ATP6V0A1: variants seen among roughly 807,000 people sequenced by gnomAD.
ATP6V0A1 encodes ATPase H+ transporting V0 subunit a1, also known as V-type proton ATPase 116 kDa subunit a 1.
In ATP6V0A1, 43 loss-of-function variants were observed where a neutral mutation model predicts 105.4. The observed-to-expected ratio is 0.41, with a 90% confidence interval of 0.32 to 0.53. The LOEUF is 0.53. ATP6V0A1 is among the 20% of genes least tolerant of loss of function. The pLI is 0.30. For missense variants in ATP6V0A1, 676 were observed against 1,051.1 expected (o/e 0.64, Z 4.93); for synonymous variants, 362 against 372.8 (o/e 0.97, Z 0.33).
chr17:42,509,499 A>G (rs899786722), intron 19 of ATP6V0A1, among the ~76,000 whole-genome samples: 6 of 152,172 alleles, frequency 3.9e-5, no homozygotes, highest in African/African-American at 4.8e-5. Context: ...TGTTCTGTGT[A>G]AACACAGGTA....
intron 5 of ATP6V0A1, among the ~76,000 whole-genome samples, chr17:42,476,922 G>A (rs1307296064): frequency 2.0e-5 from 3 of 152,310 alleles, no homozygotes; most frequent in Admixed American, 6.5e-5. Flanking sequence ...ATTCAGATAT[G>A]TTTTTACAGG....
chr17:42,483,179 C>A, intron 9 of ATP6V0A1, 48 bp downstream of exon 9: 3 of 1,343,096 alleles, frequency 2.2e-6, no homozygotes, highest in Non-Finnish European at 3.0e-6. Context: ...TACTGGAATA[C>A]GAGACCATTA....
At chr17:42,463,481 CCT>C (rs1883445119) in intron 2 of ATP6V0A1, among the ~76,000 whole-genome samples, 1 of 152,162 alleles carries the variant, frequency 6.6e-6, no homozygotes, top group African/African-American at 2.4e-5. Context: ...TTTCACTCAG[CCT>C]CTGTTTCTTG....
intron 21 of ATP6V0A1, chr17:42,520,611 C>G (rs1205661206): frequency 2.2e-6 from 1 of 457,790 alleles, no homozygotes; most frequent in Non-Finnish European, 4.4e-6. Flanking sequence ...GGAAAAATAA[C>G]AAGCAAACAG....
chr17:42,495,593 A>G, intron 13 of ATP6V0A1, 33 bp from the exon 14 acceptor site: 5 of 1,548,134 alleles, frequency 3.2e-6, no homozygotes, highest in Non-Finnish European at 4.5e-6. Flanking sequence ...TCTCTTGTTC[A>G]AAAATAATGT....
At chr17:42,499,112 A>C in intron 15 of ATP6V0A1, 70 bp downstream of exon 15, 2 of 1,154,890 alleles carry the variant, frequency 1.7e-6, no homozygotes, top group South Asian at 1.3e-5. Flanking sequence ...AGAAATCATG[A>C]CATCTTTGGG....
intron 19 of ATP6V0A1, 29 bp downstream of exon 19, chr17:42,508,618 GTTTATCCGGGCTTCT>G: frequency 6.2e-7 from 1 of 1,613,840 alleles, no homozygotes; most frequent in African/African-American, 1.3e-5. Context: ...TTGCCTTCGT[GTTTATCCGGGCTTCT>G]CTCTTCCCAT....
chr17:42,506,535 G>C (rs2092035627), intron 17 of ATP6V0A1, among the ~76,000 whole-genome samples: 1 of 152,238 alleles, frequency 6.6e-6, no homozygotes, highest in Non-Finnish European at 1.5e-5. Flanking sequence ...GCTGCTGCCC[G>C]AAGGCCAGGT....
chr17:42,514,423 G>A lies in ATP6V0A1; in HGVS notation c.2383G>A (p.Gly795Ser). 6.2e-7 allele frequency: 1 copy of A among 1,610,612 alleles called. No homozygotes were observed. The highest frequency in any genetic ancestry group is 8.5e-7 in the Non-Finnish European group (1 of 1,178,514). The change falls in exon 21 of 22, where the codon GGC (glycine) becomes AGC (serine). Residue 795 changes from glycine (G) to serine (S), a missense_variant. By Grantham distance (56) the Gly-to-Ser change is moderately conservative. Around this residue, in one of 3 missense-constraint regions of ATP6V0A1, gnomAD observed 435 missense variants for 642.2 expected, o/e 0.68. Transcript: ENST00000343619. The part of the protein sequence containing the change: ...LTVAILLIME[G>S]LSAFLHALRL... Reference sequence around the variant, plus strand: ...CGTGGCCATCCTCCTGATCATGGAGGGCCTCTCGGCCTTTCTCCACGCACT... The same window carrying A: ...CGTGGCCATCCTCCTGATCATGGAGAGCCTCTCGGCCTTTCTCCACGCACT...
At chr17:42,481,648 A>G (rs1186089319) in intron 8 of ATP6V0A1, among the ~76,000 whole-genome samples, 1 of 152,130 alleles carries the variant, frequency 6.6e-6, no homozygotes, top group African/African-American at 2.4e-5. Context: ...TTTGAAGACC[A>G]GCCTGGCCAA....
intron 2 of ATP6V0A1, among the ~76,000 whole-genome samples, chr17:42,461,441 G>C (rs901496846): frequency 1.3e-5 from 2 of 152,060 alleles, no homozygotes; most frequent in Admixed American, 1.3e-4. Context: ...CATTATTTTG[G>C]AATATTATAC....
At chr17:42,497,878 G>GC (rs1019152387) in intron 14 of ATP6V0A1, among the ~76,000 whole-genome samples, 2 of 147,982 alleles carry the variant, frequency 1.4e-5, no homozygotes, top group Non-Finnish European at 1.5e-5. Context: ...CTTGCAATAG[G>GC]CCGAGATTTC....
Position 42,522,224 on chromosome 17 carries a change from T to G in ATP6V0A1, c.*1104T>G. 1 of 152,492 alleles carries G rather than the reference T, an allele frequency of 6.6e-6. No homozygotes were observed. Among genetic ancestry groups the G allele is most frequent in the East Asian group, 1.9e-4 (1 of 5,312 alleles). 9.4% of individuals were successfully genotyped at this position (152,492 alleles called of 1,614,324 possible). Reference sequence around the variant, plus strand: ...CTCCTTGTCACCCCGAACCTTGTAATCGTGTGCTGGCGTGGCAGCCCTGGC... The same window carrying G: ...CTCCTTGTCACCCCGAACCTTGTAAGCGTGTGCTGGCGTGGCAGCCCTGGC... On this transcript the variant is annotated 3_prime_UTR_variant, in exon 22 of 22. Coordinates refer to ENST00000343619, the MANE Select transcript of ATP6V0A1 (RefSeq NM_001130021.3).
intron 18 of ATP6V0A1, 159 bp downstream of exon 18, chr17:42,507,786 C>G: frequency 1.5e-6 from 1 of 661,970 alleles, no homozygotes; most frequent in Non-Finnish European, 2.7e-6. Context: ...CAGCTTTTTC[C>G]AGTGGGCCCT....
chr17:42,470,171 A>C lies in ATP6V0A1; in HGVS notation c.376A>C (p.Thr126Pro). The C allele has an allele frequency of 6.2e-7, 1 of 1,612,976 alleles. No homozygotes were observed. Among genetic ancestry groups the C allele is most frequent in the Non-Finnish European group, 8.5e-7 (1 of 1,179,390 alleles). The change falls in exon 5 of 22, where the codon ACC becomes CCC. Residue 126 changes from threonine to proline, a missense_variant. Transcript: ENST00000343619. Reference protein sequence around the residue: ...EALKRNFLELTELKFILRKTQ... With the variant: ...EALKRNFLELPELKFILRKTQ... ...TCTGAAGAGAAACTTCCTGGAACTG[A>C]CCGAATTAAAATTTATACTTCGCAA...
At position 42,470,100 on chromosome 17, in the gene ATP6V0A1, A is replaced by C; in HGVS notation, c.305A>C (p.Glu102Ala). The C allele has an allele frequency of 6.2e-7, 1 of 1,605,032 alleles. No individual in the cohort carries two copies. The highest frequency in any genetic ancestry group is 8.5e-7 in the Non-Finnish European group (1 of 1,174,776). ...TCTTATTTCATCTAGGCCAATTTTG[A>C]GAAGATTGAAAATGAACTGAAGGAA... ...RDMIDLEANF[E>A]KIENELKEIN... The change falls in exon 5 of 22, where the codon GAG becomes GCG. Residue 102 changes from glutamate to alanine, a missense_variant. Physicochemically the swap from Glu to Ala is moderately radical, Grantham distance 107. Around this residue, in one of 3 missense-constraint regions of ATP6V0A1, gnomAD observed 239 missense variants for 388.4 expected, o/e 0.62. Coordinates refer to ENST00000343619, the MANE Select transcript of ATP6V0A1 (RefSeq NM_001130021.3).
intron 19 of ATP6V0A1, among the ~76,000 whole-genome samples, chr17:42,508,980 C>T (rs78720879): frequency 1.3e-5 from 2 of 152,096 alleles, no homozygotes; most frequent in Middle Eastern, 3.4e-3. Context: ...TAGCCGTTTC[C>T]TCCCTGCTCC....
At position 42,512,127 on chromosome 17, in the gene ATP6V0A1, G is replaced by A. The variant is rs182444503; in HGVS notation, c.2131-1734G>A. Among the ~76,000 whole-genome samples, 91 of 152,278 alleles carry A rather than the reference G, an allele frequency of 6.0e-4. 1 individual carries two copies. Among genetic ancestry groups the A allele is most frequent in the African/African-American group, 2.0e-3 (85 of 41,552 alleles). ...GGGACTCTGCAGCGATTCATGGTTG[G>A]TCATGGCCGATTGATACGGGCGTGT... is the stretch of plus-strand genomic sequence containing the variant. On this transcript the variant is annotated intron_variant, in intron 19 of 21. Transcript: ENST00000343619.
At chr17:42,483,383 C>T (rs62075812) in intron 9 of ATP6V0A1, among the ~76,000 whole-genome samples, 21,481 of 151,862 alleles carry the variant, frequency 0.14, 1,992 homozygotes, top group Admixed American at 0.2. Flanking sequence ...CTAGCATATT[C>T]AATTCCTCTC....
Sources: gnomAD v4.1 joint callset for allele counts (sites outside exome capture counted in the v4.1 genomes callset) on GRCh38, gnomAD v4.1.1 for gene constraint, gnomAD v4.1.1 regional missense constraint, MANE v1.5 for transcripts, NCBI Gene and HGNC (gene_info 2026-07-23, HGNC 2026-07-21) for gene names.